The following BICC1 variants were observed in gnomAD, a reference collection of about 807,000 sequenced individuals.
BICC1 encodes protein bicaudal C homolog 1.
BICC1 carries 43 observed loss-of-function variants against 111.0 expected under a neutral mutation model. That is an observed-to-expected ratio of 0.39 (90% CI 0.30 to 0.50). The LOEUF is 0.50. BICC1 is among the 20% of genes least tolerant of loss of function. The pLI, the probability that BICC1 is intolerant of heterozygous loss-of-function variation, is 0.88. For missense variants in BICC1, 1,091 were observed against 1,203.2 expected, an observed-to-expected ratio of 0.91 and a Z score of 1.38; for synonymous variants, 467 against 434.4, an observed-to-expected ratio of 1.07 and a Z score of -0.93.
chr10:58,630,577 C>T (rs574223730), intron 2 of BICC1, among the ~76,000 whole-genome samples: 3 of 152,192 alleles, frequency 2.0e-5, no homozygotes, highest in East Asian at 1.9e-4. Flanking sequence ...TATTGACATG[C>T]GCCACCACGC....
At chr10:58,582,957 CAT>C (rs991379629) in intron 1 of BICC1, among the ~76,000 whole-genome samples, 1 of 152,156 alleles carries the variant, frequency 6.6e-6, no homozygotes, top group Non-Finnish European at 1.5e-5. Flanking sequence ...TGTAACCTAA[CAT>C]ATTCATAGAC....
chr10:58,739,701 C>G (rs7914121), intron 3 of BICC1, among the ~76,000 whole-genome samples: 146,085 of 152,262 alleles, frequency 0.96, 70,421 homozygotes, highest in Middle Eastern at 1. Context: ...ACTGTTTTGT[C>G]AAATTAAAAA....
chr10:58,750,190 A>G (rs987264817), intron 3 of BICC1, among the ~76,000 whole-genome samples: 3 of 152,176 alleles, frequency 2.0e-5, no homozygotes, highest in South Asian at 2.1e-4. Flanking sequence ...CAGCAGGAGT[A>G]GAAAAATGGT....
intron 3 of BICC1, among the ~76,000 whole-genome samples, chr10:58,746,693 G>A (rs1263432714): frequency 3.3e-5 from 5 of 152,152 alleles, no homozygotes; most frequent in Admixed American, 3.3e-4. Flanking sequence ...TTTTCCTAAA[G>A]CAGAGCATGA....
At position 58,619,230 on chromosome 10, in the gene BICC1, A is replaced by G. The variant is rs1380291797; in HGVS notation, c.191-1625A>G. On this transcript the variant is annotated intron_variant, in intron 1 of 20. Transcript: ENST00000373886. ...GAGTCATTATTCAGCCCTACCACATATTAGAATACAATTTTTAAATTCCTT... is the reference window on the plus strand; with the variant it reads ...GAGTCATTATTCAGCCCTACCACATGTTAGAATACAATTTTTAAATTCCTT... Among the ~76,000 whole-genome samples, 5 of 152,284 alleles carry G rather than the reference A, an allele frequency of 3.3e-5. No homozygotes were observed. The East Asian group carries it at 9.6e-4, about 29-fold the overall frequency.
intron 1 of BICC1, among the ~76,000 whole-genome samples, chr10:58,614,575 A>C (rs1292798061): frequency 6.6e-6 from 1 of 152,180 alleles, no homozygotes; most frequent in Non-Finnish European, 1.5e-5. Flanking sequence ...TTCTGGTTAA[A>C]TTTTAGTGAT....
chr10:58,760,529 C>T (rs964385105), intron 3 of BICC1, among the ~76,000 whole-genome samples: 1 of 152,098 alleles, frequency 6.6e-6, no homozygotes, highest in African/African-American at 2.4e-5. Flanking sequence ...TTTTTGTAAT[C>T]TACTGTAAGC....
intron 10 of BICC1, among the ~76,000 whole-genome samples, chr10:58,797,099 G>A (rs2393504): frequency 0.6 from 91,476 of 151,640 alleles, 27,763 homozygotes; most frequent in Admixed American, 0.64. Context: ...AGCTTCAGTC[G>A]AGAAAGTAGA....
chr10:58,748,768 G>C (rs1841906131), intron 3 of BICC1, among the ~76,000 whole-genome samples: 1 of 151,936 alleles, frequency 6.6e-6, no homozygotes, highest in South Asian at 2.1e-4. Flanking sequence ...TCACATTTTT[G>C]AGCCCTACCC....
chr10:58,714,288 A>C (rs1170707473), intron 3 of BICC1, among the ~76,000 whole-genome samples: 2 of 152,186 alleles, frequency 1.3e-5, no homozygotes. Context: ...TAGCATTGGC[A>C]TTAGAATATA....
intron 3 of BICC1, among the ~76,000 whole-genome samples, chr10:58,737,354 T>G (rs1218435744): frequency 1.3e-5 from 2 of 152,194 alleles, no homozygotes; most frequent in Non-Finnish European, 2.9e-5. Flanking sequence ...CGGTGTTTGG[T>G]TTTTTGTCCT....
chr10:58,809,744 T>C (rs1177220194), intron 17 of BICC1, among the ~76,000 whole-genome samples: 3 of 152,234 alleles, frequency 2.0e-5, no homozygotes, highest in Non-Finnish European at 4.4e-5. Flanking sequence ...GAATTTAAGG[T>C]AATAGTAGTA....
intron 2 of BICC1, among the ~76,000 whole-genome samples, chr10:58,653,802 G>C (rs1000587569): frequency 9.5e-5 from 14 of 146,710 alleles, no homozygotes; most frequent in Admixed American, 2.7e-4. Flanking sequence ...TCTAGCATTA[G>C]GTATATCTCC....
intron 1 of BICC1, among the ~76,000 whole-genome samples, chr10:58,522,802 G>A (rs1162532187): frequency 5.3e-5 from 8 of 151,876 alleles, no homozygotes; most frequent in African/African-American, 1.9e-4. Flanking sequence ...TGGATAGACC[G>A]TTAGCAAGAC....
chr10:58,803,433 T>A (rs1843615548), intron 15 of BICC1, among the ~76,000 whole-genome samples, 191 bp downstream of exon 15: 1 of 152,216 alleles, frequency 6.6e-6, no homozygotes, highest in South Asian at 2.1e-4. Context: ...GTATTTACCT[T>A]AAGTGAGAAT....
At chr10:58,724,003 A>G (rs1472017091) in intron 3 of BICC1, among the ~76,000 whole-genome samples, 1 of 152,194 alleles carries the variant, frequency 6.6e-6, no homozygotes. Context: ...TAGTGTCAAC[A>G]TGATGAGTTT....
chr10:58,562,134 C>G (rs934535438), intron 1 of BICC1, among the ~76,000 whole-genome samples: 7 of 152,006 alleles, frequency 4.6e-5, no homozygotes, highest in Non-Finnish European at 1.0e-4. Flanking sequence ...GATTTTTGAG[C>G]TATCGTATCT....
At chr10:58,590,776 T>C (rs1211610870) in intron 1 of BICC1, among the ~76,000 whole-genome samples, 1 of 152,212 alleles carries the variant, frequency 6.6e-6, no homozygotes, top group Non-Finnish European at 1.5e-5. Flanking sequence ...GTTTTATAGG[T>C]ATTTTAGATT....
chr10:58,692,267 G>A (rs1237095375), intron 2 of BICC1, among the ~76,000 whole-genome samples: 1 of 152,140 alleles, frequency 6.6e-6, no homozygotes, highest in Non-Finnish European at 1.5e-5. Flanking sequence ...GGTTTTCATT[G>A]ATAAGTAGGA....
Sources: gnomAD v4.1 joint callset for allele counts (sites outside exome capture counted in the v4.1 genomes callset) on GRCh38, gnomAD v4.1.1 for gene constraint, MANE v1.5 for transcripts, NCBI Gene and HGNC (gene_info 2026-07-23, HGNC 2026-07-21) for gene names.